MGAT4C: variants seen among roughly 807,000 people sequenced by gnomAD.
The protein encoded by MGAT4C is alpha-1,3-mannosyl-glycoprotein 4-beta-N-acetylglucosaminyltransferase C.
A neutral mutation model predicts 40.1 loss-of-function variants in MGAT4C; 19 were observed. The ratio of observed to expected loss-of-function variants is 0.47; its 90% CI spans 0.33 to 0.70. The LOEUF is 0.70. Among genes scored for constraint, MGAT4C ranks in the 30% least tolerant of loss-of-function variants. The pLI is 0.02. For synonymous variants in MGAT4C, 181 were observed against 187.1 expected (o/e 0.97, Z 0.27); for missense variants, 491 against 563.2 (o/e 0.87, Z 1.30).
At chr12:86,391,030 G>A (rs150964908) in intron 3 of MGAT4C, among the ~76,000 whole-genome samples, 101 of 152,276 alleles carry the variant, frequency 6.6e-4, no homozygotes, top group African/African-American at 2.4e-3. Context: ...GGGCTACTGA[G>A]TCACTTAATT....
At chr12:86,107,994 C>G (rs756360898) in intron 1 of MGAT4C, among the ~76,000 whole-genome samples, 3 of 152,050 alleles carry the variant, frequency 2.0e-5, no homozygotes, top group African/African-American at 7.2e-5. Context: ...AATTAACCAA[C>G]TGATGATGTT....
rs562983783 is a variant in MGAT4C at position 86,124,852 on chromosome 12, G to A, written c.-56-75129C>T. The stretch of plus-strand genomic sequence containing the variant: ...ACATAATGCTGAAATAAATTTCCCT[G>A]TAGAGGTGAGGGCATATTTCTGGGT... On this transcript the variant is annotated intron_variant, in intron 1 of 4. Transcript: ENST00000611864. 2.6e-5 allele frequency among the ~76,000 whole-genome samples: 4 copies of A among 152,244 alleles called. No individual in the cohort carries two copies. The South Asian group carries it at 8.3e-4, about 32-fold the overall frequency.
chr12:86,075,018 C>G (rs1049748438), intron 1 of MGAT4C, among the ~76,000 whole-genome samples: 1 of 152,114 alleles, frequency 6.6e-6, no homozygotes, highest in African/African-American at 2.4e-5. Flanking sequence ...CATTTCAATA[C>G]CAATCATGCT....
intron 4 of MGAT4C, among the ~76,000 whole-genome samples, chr12:86,326,765 AAC>A (rs1954537968): frequency 6.6e-6 from 1 of 152,156 alleles, no homozygotes; most frequent in Non-Finnish European, 1.5e-5. Context: ...TACAAAATAA[AAC>A]AGTGTGAACA....
chr12:86,659,854 T>C (rs909881044), intron 2 of MGAT4C, among the ~76,000 whole-genome samples: 4 of 151,806 alleles, frequency 2.6e-5, no homozygotes, highest in Non-Finnish European at 5.9e-5. Context: ...TGTGGCATTC[T>C]ACTACAAAAC....
intron 1 of MGAT4C, among the ~76,000 whole-genome samples, chr12:86,063,039 T>C (rs985708865): frequency 6.6e-6 from 1 of 151,902 alleles, no homozygotes; most frequent in East Asian, 1.9e-4. Context: ...ACAAAGATAC[T>C]CTTCAAGAAG....
At position 85,978,836 on chromosome 12, in the gene MGAT4C, G is replaced by GA. The variant is rs1364872919; in HGVS notation, c.*452dup. 4 of 152,126 alleles carry GA rather than the reference G, an allele frequency of 2.6e-5. No individual in the cohort carries two copies. The highest frequency in any genetic ancestry group is 6.6e-5 in the Admixed American group (1 of 15,236). 9.4% of individuals were successfully genotyped at this position (152,126 alleles called of 1,614,324 possible). A position where few individuals can be genotyped will look rare whatever the true frequency, so the allele number is the denominator to read the frequency against. On this transcript the variant is annotated 3_prime_UTR_variant, in exon 5 of 5. Transcript: ENST00000611864. The stretch of plus-strand genomic sequence containing the variant: ...AAGTCAACGGAAACTTAAGTTTACA[G>GA]AAAAAATAAACCAGATTATCATTCC...
chr12:86,682,626 T>C (rs558719028), intron 2 of MGAT4C, among the ~76,000 whole-genome samples: 1 of 152,256 alleles, frequency 6.6e-6, no homozygotes, highest in African/African-American at 2.4e-5. Flanking sequence ...AAAAAGTTTC[T>C]TGTCACATTA....
intron 2 of MGAT4C, among the ~76,000 whole-genome samples, chr12:86,699,567 G>A (rs959757617): frequency 5.3e-5 from 8 of 151,962 alleles, no homozygotes; most frequent in Admixed American, 5.3e-4. Context: ...CAACATGGGG[G>A]TAGGAGCTGT....
intron 2 of MGAT4C, among the ~76,000 whole-genome samples, chr12:86,521,042 TTC>T (rs1455236008): frequency 3.3e-5 from 5 of 152,264 alleles, no homozygotes; most frequent in African/African-American, 9.6e-5. Context: ...TGTAGATAGT[TTC>T]TTTTGCTGTG....
intron 2 of MGAT4C, among the ~76,000 whole-genome samples, chr12:86,575,234 T>G (rs1314207641): frequency 9.1e-6 from 1 of 110,124 alleles, no homozygotes; most frequent in Non-Finnish European, 2.0e-5. Context: ...TCCAATTGCA[T>G]TCTTTATTTT....
At chr12:86,344,928 A>T (rs944623796) in intron 3 of MGAT4C, among the ~76,000 whole-genome samples, 2 of 152,208 alleles carry the variant, frequency 1.3e-5, no homozygotes, top group Non-Finnish European at 2.9e-5. Flanking sequence ...ACAACTATGT[A>T]CAGGTAAATA....
intron 1 of MGAT4C, among the ~76,000 whole-genome samples, chr12:86,225,220 T>TACA (rs1242813717): frequency 1.3e-5 from 2 of 152,072 alleles, no homozygotes; most frequent in East Asian, 3.9e-4. Context: ...ATTAAAAACA[T>TACA]ACAACTTTCA....
chr12:86,287,685 C>T (rs998374251), intron 4 of MGAT4C, among the ~76,000 whole-genome samples: 2 of 152,170 alleles, frequency 1.3e-5, no homozygotes, highest in African/African-American at 4.8e-5. Flanking sequence ...AGGACATGAA[C>T]TCATCATTTT....
intron 2 of MGAT4C, among the ~76,000 whole-genome samples, chr12:86,676,557 A>G (rs1216459502): frequency 6.6e-6 from 1 of 152,150 alleles, no homozygotes; most frequent in Non-Finnish European, 1.5e-5. Context: ...CTGATGCTAT[A>G]TCTTGTTTGG....
At chr12:86,329,765 T>C (rs2136171747) in intron 4 of MGAT4C, among the ~76,000 whole-genome samples, 1 of 152,318 alleles carries the variant, frequency 6.6e-6, no homozygotes, top group East Asian at 1.9e-4. Flanking sequence ...AGCTCTACTG[T>C]ATTTTAAAGT....
chr12:86,750,665 T>C (rs1951219918), intron 1 of MGAT4C, among the ~76,000 whole-genome samples: 1 of 151,924 alleles, frequency 6.6e-6, no homozygotes, highest in African/African-American at 2.4e-5. Flanking sequence ...CTGATGCAAG[T>C]TGTGTTGTTA....
chr12:86,142,266 G>A (rs1449312712), intron 1 of MGAT4C, among the ~76,000 whole-genome samples: 1 of 152,156 alleles, frequency 6.6e-6, no homozygotes, highest in Admixed American at 6.5e-5. Flanking sequence ...CACACAGAGA[G>A]ATGAAAATCA....
At chr12:86,051,684 T>A in intron 1 of MGAT4C, among the ~76,000 whole-genome samples, 1 of 151,676 alleles carries the variant, frequency 6.6e-6, no homozygotes, top group South Asian at 2.1e-4. Context: ...AGTTTTCTAA[T>A]TATTAATATT....
Sources: gnomAD v4.1 joint callset for allele counts (sites outside exome capture counted in the v4.1 genomes callset) on GRCh38, gnomAD v4.1.1 for gene constraint, MANE v1.5 for transcripts, NCBI Gene and HGNC (gene_info 2026-07-23, HGNC 2026-07-21) for gene names.